Variants in TDG observed in about 807,000 individuals in gnomAD.
TDG encodes G/T mismatch-specific thymine DNA glycosylase.
A neutral mutation model predicts 46.1 loss-of-function variants in TDG; 23 were observed. That is an observed-to-expected ratio of 0.50 (90% CI 0.36 to 0.71). The LOEUF is 0.71. Among genes scored for constraint, TDG ranks in the 30% least tolerant of loss-of-function variants. The probability of loss-of-function intolerance (pLI) is 0.00; values close to 1 mark genes in which losing one functional copy is unlikely to be tolerated. For synonymous variants in TDG, 115 were observed against 161.3 expected, an observed-to-expected ratio of 0.71 and a Z score of 2.18; for missense variants, 304 against 486.7, an observed-to-expected ratio of 0.62 and a Z score of 3.53.
At position 103,985,697 on chromosome 12, in the gene TDG, T is replaced by C; in HGVS notation, c.1059T>C (p.Ser353=). The C allele has an allele frequency of 6.2e-7, 1 of 1,613,988 alleles. No homozygotes were observed. The highest frequency in any genetic ancestry group is 1.1e-5 in the South Asian group (1 of 91,050). ...GGAYGENPCS[S]EPCGFSSNGL... is the part of the protein sequence containing the mutation. Reference sequence around the variant, plus strand: ...CTTACGGAGAAAATCCATGCAGCAGTGAACCTTGTGGCTTCTCTTCAAATG... The same window carrying C: ...CTTACGGAGAAAATCCATGCAGCAGCGAACCTTGTGGCTTCTCTTCAAATG... Residue 353 remains serine, a synonymous_variant, in exon 9 of 10, where the codon AGT becomes AGC. Coordinates refer to ENST00000392872, the MANE Select transcript of TDG (RefSeq NM_003211.6).
chr12:103,984,683 T>C lies in TDG; in HGVS notation c.793-66T>C, dbSNP rs537039739. ...TTAACCCAAATAAAGACAAATATTC[T>C]AATCTCAATGAGTGAATTCAATAGA... On this transcript the variant is annotated intron_variant, in intron 7 of 9. Transcript: ENST00000392872. The C allele has an allele frequency of 2.6e-5, 33 of 1,267,576 alleles. No homozygotes were observed. The South Asian group carries it at 6.3e-4, about 24-fold the overall frequency. The allele number at this position is 1,267,576 out of a possible 1,614,324, so 78.5% of individuals were successfully genotyped here. A position where few individuals can be genotyped will look rare whatever the true frequency, so the allele number is the denominator to read the frequency against.
intron 1 of TDG, among the ~76,000 whole-genome samples, chr12:103,969,374 G>A (rs909057637): frequency 6.6e-6 from 1 of 152,230 alleles, no homozygotes; most frequent in South Asian, 2.1e-4. Flanking sequence ...TGGACTGATG[G>A]CAATCCAGTT....
chr12:103,969,780 G>C (rs1370103899), intron 1 of TDG, among the ~76,000 whole-genome samples: 1 of 152,166 alleles, frequency 6.6e-6, no homozygotes, highest in African/African-American at 2.4e-5. Context: ...CTAGTGTCAT[G>C]GGTTCTGCAG....
At chr12:103,985,492 C>T (rs1331057583) in intron 8 of TDG, 111 bp from the exon 9 acceptor site, 2 of 1,219,530 alleles carry the variant, frequency 1.6e-6, no homozygotes, top group Non-Finnish European at 2.2e-6. Context: ...AGAGATGTAT[C>T]TCAGTGTATA....
chr12:103,982,917 C>T lies in TDG; in HGVS notation c.597C>T (p.Gly199=). The change falls in exon 5 of 10, where the codon GGC becomes GGT. Residue 199 remains glycine (G), a synonymous_variant. Coordinates refer to ENST00000392872, the MANE Select transcript of TDG (RefSeq NM_003211.6). ...ACATGGTGGAAAGGACCACGCCCGGCAGCAAAGATCTCTCCAGGTAAGTAC... is the reference window on the plus strand; with the variant it reads ...ACATGGTGGAAAGGACCACGCCCGGTAGCAAAGATCTCTCCAGGTAAGTAC... The part of the protein sequence containing the change: ...FTNMVERTTP[G]SKDLSSKEFR... The T allele has an allele frequency of 1.2e-6, 2 of 1,614,132 alleles. No homozygotes were observed. The highest frequency in any genetic ancestry group is 1.1e-5 in the South Asian group (1 of 91,076).
In TDG at chr12:103,982,822, C is replaced by T. The variant is rs1343360749; in HGVS notation, c.502C>T (p.Leu168Phe). Residue 168 changes from leucine to phenylalanine, a missense_variant, in exon 5 of 10, where the codon CTC becomes TTC. Coordinates refer to ENST00000392872, the MANE Select transcript of TDG (RefSeq NM_003211.6). ...HFWKCLFMSGLSEVQLNHMDD... is the reference protein window; with the variant it reads ...HFWKCLFMSGFSEVQLNHMDD... The stretch of plus-strand genomic sequence containing the variant: ...AGGGAAGTGTTTGTTTATGTCAGGG[C>T]TCAGTGAGGTCCAGCTGAACCATAT... The T allele has an allele frequency of 5.0e-6, 8 of 1,613,258 alleles. No homozygotes were observed. In the African/African-American group the frequency reaches 1.1e-4, roughly 22 times the overall value.
At chr12:103,973,963 T>C (rs763554930) in intron 1 of TDG, among the ~76,000 whole-genome samples, 5 of 152,360 alleles carry the variant, frequency 3.3e-5, no homozygotes, top group South Asian at 4.1e-4. Context: ...AAAACTCTTA[T>C]GATACAGGTT....
Position 103,986,936 on chromosome 12 carries a change from CT to C in TDG, c.1091-8del, listed in dbSNP as rs750838536. On this transcript the variant is annotated splice_polypyrimidine_tract_variant and intron_variant, in intron 9 of 9. Transcript: ENST00000392872. ...AATGGCATAAACTAACTTTGTTTTT[CT>C]TTTCTGGCAGTTGAGAGCGTGGAGT... The C allele has an allele frequency of 1.7e-5, 27 of 1,612,538 alleles. No homozygotes were observed. The highest frequency in any genetic ancestry group is 1.7e-4 in the Admixed American group (10 of 59,848).
chr12:103,981,317 T>C (rs1463491570), intron 4 of TDG, among the ~76,000 whole-genome samples: 1 of 135,304 alleles, frequency 7.4e-6, no homozygotes, highest in East Asian at 2.5e-4. Flanking sequence ...CTCACCACAA[T>C]CTCCACCTCC....
intron 2 of TDG, 88 bp from the exon 3 acceptor site, chr12:103,979,743 A>C: frequency 6.8e-7 from 1 of 1,472,178 alleles, no homozygotes; most frequent in South Asian, 1.4e-5. Context: ...CAGGTACAAA[A>C]GGTGCTAGTT....
chr12:103,985,027 A>G (rs991210508), intron 8 of TDG, 107 bp downstream of exon 8: 19 of 865,730 alleles, frequency 2.2e-5, no homozygotes, highest in Non-Finnish European at 2.2e-5. Context: ...ACATATACAT[A>G]TGTGTGCACA....
intron 2 of TDG, among the ~76,000 whole-genome samples, chr12:103,977,838 T>G (rs968632782): frequency 6.6e-6 from 1 of 151,578 alleles, no homozygotes; most frequent in East Asian, 1.9e-4. Context: ...CTGAGGCGGG[T>G]AGATCACCTG....
In TDG at chr12:103,966,057, G is replaced by A. The variant is rs754234418; in HGVS notation, c.20G>A (p.Gly7Asp). ...CGGGGAATGGAAGCGGAGAACGCGG[G>A]CAGGTAATACCGGGGCCAGCGCCGC... MEAENA[G>D]SYSLQQAQAF... Residue 7 changes from glycine to aspartate, a missense_variant, in exon 1 of 10, where the codon GGC becomes GAC. Physicochemically the swap from Gly to Asp is moderately conservative, Grantham distance 94. Transcript: ENST00000392872. 3.1e-6 allele frequency: 5 copies of A among 1,592,096 alleles called. No homozygotes were observed. Among genetic ancestry groups the A allele is most frequent in the Non-Finnish European group, 3.4e-6 (4 of 1,170,234 alleles).
rs4135144 is a variant in TDG, at chr12:103,987,366, G to A, written c.*276G>A. 2.5e-6 allele frequency: 1 copy of A among 398,108 alleles called. No individual in the cohort carries two copies. Among genetic ancestry groups the A allele is most frequent in the Non-Finnish European group, 4.6e-6 (1 of 217,126 alleles). The allele number at this position is 398,108 out of a possible 1,614,324, so 24.7% of individuals were successfully genotyped here. The stretch of plus-strand genomic sequence containing the variant: ...TTATGAAGAAATTGATTTTCTTTTG[G>A]GAGTCACTTTTAATCTGTAATTTTA... On this transcript the variant is annotated 3_prime_UTR_variant, in exon 10 of 10. Coordinates refer to ENST00000392872, the MANE Select transcript of TDG (RefSeq NM_003211.6).
intron 1 of TDG, chr12:103,973,073 A>G (rs921342340): frequency 1.5e-6 from 1 of 659,410 alleles, no homozygotes; most frequent in Non-Finnish European, 2.7e-6. Context: ...CAGAGTAAAA[A>G]CACGTTTCAT....
chr12:103,972,960 T>C (rs1871349542), intron 1 of TDG: 1 of 698,996 alleles, frequency 1.4e-6, no homozygotes, highest in Non-Finnish European at 2.6e-6. Context: ...GTATTTTCAG[T>C]TTGCATTTTC....
chr12:103,988,090 A>G lies in TDG; in HGVS notation c.*1000A>G, dbSNP rs1326289528. 1.3e-5 allele frequency: 2 copies of G among 152,732 alleles called. No individual in the cohort carries two copies. Among genetic ancestry groups the G allele is most frequent in the African/African-American group, 2.4e-5 (1 of 41,486 alleles). 9.5% of individuals were successfully genotyped at this position (152,732 alleles called of 1,614,324 possible). On this transcript the variant is annotated 3_prime_UTR_variant, in exon 10 of 10. Transcript: ENST00000392872. ...TGCATCATTGCTGTTTGTTACTATA[A>G]ATTAAATGAACCTCATGGAAAGGTT...
At chr12:103,985,208 C>T (rs2723846) in intron 8 of TDG, among the ~76,000 whole-genome samples, 20,802 of 147,960 alleles carry the variant, frequency 0.14, 1,597 homozygotes, top group Admixed American at 0.2. Context: ...CACACACACA[C>T]ATTACAGAAA....
rs4135138 is a variant in TDG at position 103,986,332 on chromosome 12, C to A, written c.1090+604C>A. ...GAACAGAAACTTAACAGTTGTATTC[C>A]GGAAGCTTGCTTAACTATTTTAATA... On this transcript the variant is annotated intron_variant, in intron 9 of 9. Transcript: ENST00000392872. 2.6e-5 allele frequency: 4 copies of A among 152,292 alleles called. No individual in the cohort carries two copies. The East Asian group carries it at 7.7e-4, about 29-fold the overall frequency. The allele number at this position is 152,292 out of a possible 1,614,324, so 9.4% of individuals were successfully genotyped here. A position where few individuals can be genotyped will look rare whatever the true frequency, so the allele number is the denominator to read the frequency against.
Sources: allele counts gnomAD v4.1 joint callset (sites outside exome capture counted in the v4.1 genomes callset), GRCh38; gene constraint gnomAD v4.1.1; transcripts MANE v1.5; gene names NCBI Gene and HGNC (gene_info 2026-07-23, HGNC 2026-07-21).